HNRNPM: variants seen among roughly 807,000 people sequenced by gnomAD.
HNRNPM encodes heterogeneous nuclear ribonucleoprotein M, also known as CEA receptor.
A neutral mutation model predicts 73.1 loss-of-function variants in HNRNPM; 11 were observed. That is an observed-to-expected ratio of 0.15 (90% confidence interval 0.09 to 0.25). The LOEUF (loss-of-function observed/expected upper bound fraction) is 0.25, where lower values mean the gene tolerates loss of function less well. HNRNPM is among the 10% of genes least tolerant of loss of function. The probability of loss-of-function intolerance (pLI) is 1.00; values close to 1 mark genes in which losing one functional copy is unlikely to be tolerated. For synonymous variants in HNRNPM, 407 were observed against 355.2 expected (o/e 1.15, Z -1.64); for missense variants, 789 against 1,067.9 (o/e 0.74, Z 3.64).
At position 8,486,228 on chromosome 19, in the gene HNRNPM, G is replaced by A. The variant is rs12977861; in HGVS notation, c.1800G>A (p.Leu600=). Residue 600 remains leucine, a synonymous_variant, in exon 14 of 16, where the codon CTG becomes CTA. Transcript: ENST00000325495. ...TGGGCCCTGCCATGGGCCCGGCCCTGGGCGCTGGCATTGAGCGCATGGGCC... is the reference window on the plus strand; with the variant it reads ...TGGGCCCTGCCATGGGCCCGGCCCTAGGCGCTGGCATTGAGCGCATGGGCC... ...ERMGPAMGPA[L]GAGIERMGLA... is the part of the protein sequence containing the mutation. The A allele has an allele frequency of 6.3e-7, 1 of 1,592,932 alleles. No individual in the cohort carries two copies.
intron 5 of HNRNPM, 25 bp from the exon 6 acceptor site, chr19:8,465,299 G>GT: frequency 1.3e-6 from 2 of 1,580,034 alleles, no homozygotes; most frequent in African/African-American, 1.4e-5. Flanking sequence ...TCAGTTAAAC[G>GT]TAACACCTTT....
At chr19:8,455,256 C>T (rs77330962) in intron 1 of HNRNPM, 149 bp from the exon 2 acceptor site, 3 of 638,744 alleles carry the variant, frequency 4.7e-6, no homozygotes, top group Admixed American at 3.0e-5. Context: ...GCTAGGATTA[C>T]AGGTGTGAGC....
intron 14 of HNRNPM, 61 bp downstream of exon 14, chr19:8,486,466 G>C: frequency 7.0e-7 from 1 of 1,421,062 alleles, no homozygotes; most frequent in East Asian, 2.3e-5. Context: ...GGGAGGCAAA[G>C]ATCAGCAGGA....
At chr19:8,446,269 A>G (rs1280617403) in intron 1 of HNRNPM, among the ~76,000 whole-genome samples, 1 of 152,190 alleles carries the variant, frequency 6.6e-6, no homozygotes, top group Admixed American at 6.5e-5. Flanking sequence ...CTTTTTCATC[A>G]TCGGAAACAG....
rs746832500 is a variant in HNRNPM at position 8,474,237 on chromosome 19, G to A, written c.1113G>A (p.Arg371=). The A allele has an allele frequency of 2.5e-6, 4 of 1,582,610 alleles. No homozygotes were observed. Among genetic ancestry groups the A allele is most frequent in the Non-Finnish European group, 3.4e-6 (4 of 1,166,750 alleles). The change falls in exon 12 of 16, where the codon AGG becomes AGA. Residue 371 remains arginine, a synonymous_variant. Transcript: ENST00000325495. ...GRFGSGMNMG[R]INEILSNALK... is the part of the protein sequence containing the mutation. The stretch of plus-strand genomic sequence containing the variant: ...TTGGATCTGGGATGAACATGGGCAG[G>A]ATAAATGGTAAGCATCGTGTTTTCT...
At chr19:8,487,653 CTG>C (rs1277666278) in intron 15 of HNRNPM, 1 of 154,208 alleles carries the variant, frequency 6.5e-6, no homozygotes, top group Admixed American at 6.5e-5. Flanking sequence ...TGCACCACCT[CTG>C]TTCTTTTTAG....
chr19:8,455,751 T>TG (rs1033805548), intron 2 of HNRNPM, among the ~76,000 whole-genome samples, 177 bp downstream of exon 2: 17 of 150,010 alleles, frequency 1.1e-4, no homozygotes, highest in South Asian at 4.2e-4. Flanking sequence ...TTGTGTTTTT[T>TG]TTTTGTTTTG....
chr19:8,478,099 G>C (rs1410304454), intron 12 of HNRNPM, among the ~76,000 whole-genome samples: 1 of 152,224 alleles, frequency 6.6e-6, no homozygotes, highest in East Asian at 1.9e-4. Flanking sequence ...CTGCACTGCA[G>C]GGGACCTCTT....
intron 2 of HNRNPM, among the ~76,000 whole-genome samples, chr19:8,461,777 A>G (rs1459432369): frequency 1.3e-5 from 2 of 152,164 alleles, no homozygotes; most frequent in Admixed American, 6.5e-5. Context: ...AGCCTGGCCT[A>G]ATTCACTGAA....
intron 10 of HNRNPM, 65 bp downstream of exon 10, chr19:8,471,492 A>T (rs1970135163): frequency 4.8e-6 from 4 of 835,510 alleles, no homozygotes; most frequent in African/African-American, 1.7e-5. Flanking sequence ...TATTGGGACA[A>T]CTGGACTTTG....
chr19:8,468,251 ATAAT>A (rs943174490), intron 8 of HNRNPM, among the ~76,000 whole-genome samples: 1 of 152,210 alleles, frequency 6.6e-6, no homozygotes, highest in African/African-American at 2.4e-5. Context: ...TGTTGTGAAC[ATAAT>A]TAAGTCATTG....
chr19:8,455,919 G>A (rs1194882851), intron 2 of HNRNPM, among the ~76,000 whole-genome samples: 2 of 147,298 alleles, frequency 1.4e-5, no homozygotes, highest in Non-Finnish European at 3.0e-5. Flanking sequence ...TGCACGTTAG[G>A]TGGGAGAGAT....
intron 1 of HNRNPM, among the ~76,000 whole-genome samples, chr19:8,446,569 C>T (rs901129687): frequency 3.3e-5 from 5 of 152,084 alleles, no homozygotes; most frequent in African/African-American, 1.2e-4. Flanking sequence ...CACCACCATG[C>T]CCGGCTAATT....
In HNRNPM at chr19:8,476,144, A is replaced by G. The variant is rs1175185226; in HGVS notation, c.1120+1900A>G. On this transcript the variant is annotated intron_variant, in intron 12 of 15. Transcript: ENST00000325495. Reference sequence around the variant, plus strand: ...GATTCCAAGTGCTGATTCTCTGGAGAACCACAAATGGAGTGTGTTTTCCTA... The same window carrying G: ...GATTCCAAGTGCTGATTCTCTGGAGGACCACAAATGGAGTGTGTTTTCCTA... 5.9e-5 allele frequency among the ~76,000 whole-genome samples: 9 copies of G among 152,030 alleles called. No individual in the cohort carries two copies. In the East Asian group the frequency reaches 1.7e-3, roughly 29 times the overall value.
intron 2 of HNRNPM, among the ~76,000 whole-genome samples, chr19:8,457,056 A>T (rs970764957): frequency 2.6e-5 from 4 of 152,216 alleles, no homozygotes; most frequent in Admixed American, 1.3e-4. Context: ...GATTTGGTTG[A>T]ACCGCTGAAT....
intron 1 of HNRNPM, among the ~76,000 whole-genome samples, chr19:8,452,547 G>T (rs989844217): frequency 6.6e-6 from 1 of 152,178 alleles, no homozygotes; most frequent in African/African-American, 2.4e-5. Flanking sequence ...TAGGTCTCCT[G>T]TGGGACCTGC....
intron 1 of HNRNPM, among the ~76,000 whole-genome samples, chr19:8,454,684 CTTT>C (rs57290220): frequency 3.3e-4 from 39 of 118,796 alleles, no homozygotes; most frequent in African/African-American, 1.2e-3. Flanking sequence ...CCCCCCCCCC[CTTT>C]TTTTTTTTAA....
intron 12 of HNRNPM, among the ~76,000 whole-genome samples, chr19:8,475,807 C>G (rs960553403): frequency 5.9e-5 from 9 of 152,076 alleles, no homozygotes; most frequent in Non-Finnish European, 1.2e-4. Context: ...CTGGCTCACG[C>G]CTGTAATCCC....
chr19:8,452,747 T>A (rs915171884), intron 1 of HNRNPM, among the ~76,000 whole-genome samples: 6 of 152,206 alleles, frequency 3.9e-5, no homozygotes, highest in African/African-American at 1.4e-4. Flanking sequence ...GATTTGGGTG[T>A]GGCTCACACC....
Sources: gnomAD v4.1 joint callset for allele counts (sites outside exome capture counted in the v4.1 genomes callset) on GRCh38, gnomAD v4.1.1 for gene constraint, MANE v1.5 for transcripts, NCBI Gene and HGNC (gene_info 2026-07-23, HGNC 2026-07-21) for gene names.